Variants in FBXL22 observed in about 807,000 individuals in gnomAD.
FBXL22 encodes the protein F-box and leucine-rich protein 22.
Under a neutral mutation model 11.7 loss-of-function variants are expected in FBXL22, and 13 were observed. That is an observed-to-expected ratio of 1.11 (90% confidence interval 0.73 to 1.77). The LOEUF is 1.77. Ranked by LOEUF, FBXL22 falls within the 40% of genes most tolerant of loss-of-function variation. The pLI is 0.00. For synonymous variants in FBXL22, 160 were observed against 144.1 expected, an observed-to-expected ratio of 1.11 and a Z score of -0.79; for missense variants, 406 against 320.4, an observed-to-expected ratio of 1.27 and a Z score of -2.04.
downstream of FBXL22, among the ~76,000 whole-genome samples, chr15:63,607,094 A>G (rs1014554774): frequency 2.9e-4 from 43 of 149,152 alleles, no homozygotes; most frequent in African/African-American, 1.1e-3. Context: ...CGCCCAGGCT[A>G]GAGTGCAGTG....
chr15:63,601,954 G>A, downstream of FBXL22: 1 of 483,498 alleles, frequency 2.1e-6, no homozygotes, highest in South Asian at 2.8e-5. Context: ...TTTCAGGGCT[G>A]TAGTCACTGA....
rs556267212 is a variant in FBXL22, at chr15:63,600,745, C to A, written c.402C>A (p.Thr134=). 977 of 1,231,502 alleles carry A rather than the reference C, an allele frequency of 7.9e-4. 1 individual carries two copies. The highest frequency in any genetic ancestry group is 9.6e-4 in the Non-Finnish European group (945 of 987,776). 76.3% of individuals were successfully genotyped at this position (1,231,502 alleles called of 1,614,324 possible). The change falls in exon 2 of 2, where the codon ACC becomes ACA. Residue 134 remains threonine (T), a synonymous_variant. Coordinates refer to ENST00000638704, the MANE Select transcript of FBXL22 (RefSeq NM_001367807.1). ...SVTLSGCGHV[T]DDCLARLLRC... Reference sequence around the variant, plus strand: ...CGCTCTCGGGCTGCGGCCACGTTACCGACGACTGCCTGGCGCGCCTGCTGC... The same window carrying A: ...CGCTCTCGGGCTGCGGCCACGTTACAGACGACTGCCTGGCGCGCCTGCTGC...
Position 63,600,696 on chromosome 15 carries a change from G to C in FBXL22, c.354-1G>C. 1 of 1,231,452 alleles carries C rather than the reference G, an allele frequency of 8.1e-7. No homozygotes were observed. The highest frequency in any genetic ancestry group is 4.1e-5 in the South Asian group (1 of 24,318). 76.3% of individuals were successfully genotyped at this position (1,231,452 alleles called of 1,614,324 possible). A position where few individuals can be genotyped will look rare whatever the true frequency, so the allele number is the denominator to read the frequency against. ...CCCGGGTCACCGCACTCTCCTCACA[G>C]GTGCCCCAACCTGGCGTCCGTCACG... is the stretch of plus-strand genomic sequence containing the variant. On this transcript the variant is annotated splice_acceptor_variant, in intron 1 of 1. Coordinates refer to ENST00000638704, the MANE Select transcript of FBXL22 (RefSeq NM_001367807.1). LOFTEE classifies it high-confidence loss of function.
Position 63,600,977 on chromosome 15 carries a change from C to G in FBXL22, c.634C>G (p.Pro212Ala), listed in dbSNP as rs1025728204. The G allele has an allele frequency of 8.6e-5, 102 of 1,191,210 alleles. No homozygotes were observed. The highest frequency in any genetic ancestry group is 7.2e-4 in the Admixed American group (16 of 22,092). 73.8% of individuals were successfully genotyped at this position (1,191,210 alleles called of 1,614,324 possible). A position where few individuals can be genotyped will look rare whatever the true frequency, so the allele number is the denominator to read the frequency against. The change falls in exon 2 of 2, where the codon CCC becomes GCC. Residue 212 changes from proline (P) to alanine (A), a missense_variant. Pro to Ala is a conservative substitution (Grantham distance 27). Coordinates refer to ENST00000638704, the MANE Select transcript of FBXL22 (RefSeq NM_001367807.1). ...GGCAGAGCACAGCGCCGCCATGCTG[C>G]CCGACCAGCCCCCGCGCCCGCGCGC... ...LRAEHSAAML[P>A]DQPPRPRAPA...
At chr15:63,606,833 C>A (rs2067417855), downstream of FBXL22, among the ~76,000 whole-genome samples, 1 of 152,234 alleles carries the variant, frequency 6.6e-6, no homozygotes, top group Non-Finnish European at 1.5e-5. Context: ...AGCCCAGGAC[C>A]TGCAACCATG....
the FBXL22 span, among the ~76,000 whole-genome samples, chr15:63,607,676 T>C: frequency 6.6e-6 from 1 of 152,270 alleles, no homozygotes; most frequent in Non-Finnish European, 1.5e-5. Context: ...CCTATCTTCC[T>C]TGTGGAAAAT....
rs201654150 is a variant in FBXL22 at position 63,597,624 on chromosome 15, T to C, written c.232T>C (p.Trp78Arg). The change falls in exon 1 of 2, where the codon TGG becomes CGG. Residue 78 changes from tryptophan to arginine, a missense_variant. Transcript: ENST00000638704. This position sits in a 1 kb window ranked among gnomAD's most constrained non-coding sequence, Gnocchi z 4.3. Reference protein sequence around the residue: ...GPALRSLSICWHSSRVQVCSI... With the variant: ...GPALRSLSICRHSSRVQVCSI... ...GGCACTCCGCAGCCTCTCCATCTGC[T>C]GGCACTCCAGCCGCGTGCAGGTGTG... 5.9e-5 allele frequency: 95 copies of C among 1,613,668 alleles called. No homozygotes were observed. Among genetic ancestry groups the C allele is most frequent in the Non-Finnish European group, 7.7e-5 (91 of 1,180,030 alleles).
chr15:63,604,128 G>A (rs1177097606), downstream of FBXL22, among the ~76,000 whole-genome samples: 2 of 152,124 alleles, frequency 1.3e-5, no homozygotes, highest in Non-Finnish European at 2.9e-5. Flanking sequence ...ATGGATCTGG[G>A]TTTCCATCCC....
chr15:63,599,090 C>A, intron 1 of FBXL22: 2 of 1,065,746 alleles, frequency 1.9e-6, no homozygotes, highest in Non-Finnish European at 2.8e-6. Flanking sequence ...AGCTCAAATA[C>A]TTCAAACTCT....
At chr15:63,601,729 G>A (rs763071759), downstream of FBXL22, 1 of 1,581,748 alleles carries the variant, frequency 6.3e-7, no homozygotes, top group Admixed American at 1.7e-5. Flanking sequence ...ATTGTTGAAT[G>A]CTTACATAAA....
At chr15:63,598,636 T>C (rs2067313422) in intron 1 of FBXL22, among the ~76,000 whole-genome samples, 1 of 152,214 alleles carries the variant, frequency 6.6e-6, no homozygotes, top group Non-Finnish European at 1.5e-5. Context: ...AAACTGGCCC[T>C]GGCTGTTCAT....
chr15:63,601,804 A>C, downstream of FBXL22: 2 of 1,360,626 alleles, frequency 1.5e-6, no homozygotes, highest in Non-Finnish European at 1.9e-6. Flanking sequence ...GGAAGAAAAA[A>C]AAAGCCTCAA....
downstream of FBXL22, chr15:63,602,082 T>G (rs1033831422): frequency 1.1e-4 from 20 of 182,308 alleles, no homozygotes; most frequent in Non-Finnish European, 1.9e-4. Context: ...CTGTTCACAC[T>G]CCGGCTCCAC....
chr15:63,606,576 G>A (rs1423791833), downstream of FBXL22, among the ~76,000 whole-genome samples: 4 of 152,214 alleles, frequency 2.6e-5, no homozygotes, highest in Non-Finnish European at 4.4e-5. Context: ...AAGAGAGGCC[G>A]GGCACAGTGG....
downstream of FBXL22, chr15:63,601,306 G>C: frequency 6.3e-7 from 1 of 1,589,204 alleles, no homozygotes; most frequent in Non-Finnish European, 8.5e-7. Context: ...GCTTTCTGCT[G>C]TGCGCTCCCC....
downstream of FBXL22, chr15:63,601,933 T>A (rs2067379150): frequency 3.8e-6 from 2 of 532,728 alleles, no homozygotes; most frequent in East Asian, 7.1e-5. Context: ...AGCCTAGGCT[T>A]CCAATTTGAA....
In FBXL22 at chr15:63,600,018, C is replaced by A. The variant is rs890362501; in HGVS notation, c.354-679C>A. The A allele has an allele frequency of 1.4e-5, 14 of 985,634 alleles. No individual in the cohort carries two copies. The African/African-American group carries it at 2.4e-4, about 17-fold the overall frequency. The allele number at this position is 985,634 out of a possible 1,614,324, so 61.1% of individuals were successfully genotyped here. ...GGCTGGTGAGGCTGCAGCAGAGGGT[C>A]CCCCAAGCTTTCTGGCCAAGCGACC... On this transcript the variant is annotated intron_variant, in intron 1 of 1. Transcript: ENST00000638704.
downstream of FBXL22, chr15:63,601,780 A>G: frequency 7.1e-7 from 1 of 1,400,266 alleles, no homozygotes; most frequent in South Asian, 1.5e-5. Flanking sequence ...TCATAAGGGA[A>G]AAAGAAATGA....
intron 1 of FBXL22, among the ~76,000 whole-genome samples, chr15:63,598,330 T>C (rs746988363): frequency 2.6e-5 from 4 of 152,192 alleles, no homozygotes; most frequent in Admixed American, 6.5e-5. Context: ...TTGCCCAGTC[T>C]AGGGTTGCCA....
Sources: allele counts gnomAD v4.1 joint callset (sites outside exome capture counted in the v4.1 genomes callset), GRCh38; gene constraint gnomAD v4.1.1; non-coding constraint Gnocchi (gnomAD v3.1); transcripts MANE v1.5; gene names NCBI Gene and HGNC (gene_info 2026-07-23, HGNC 2026-07-21).